Variants in ARHGAP6 observed in about 807,000 individuals in gnomAD.
ARHGAP6 encodes the protein rho GTPase-activating protein 6.
Under a neutral mutation model 55.7 loss-of-function variants are expected in ARHGAP6, and 16 were observed. The observed-to-expected ratio is 0.29, with a 90% CI of 0.19 to 0.44. The LOEUF (loss-of-function observed/expected upper bound fraction) is 0.44, where lower values mean the gene tolerates loss of function less well. Among genes scored for constraint, ARHGAP6 ranks in the 20% least tolerant of loss-of-function variants. ARHGAP6 has a pLI of 1.00. For synonymous variants in ARHGAP6, 382 were observed against 360.9 expected (o/e 1.06, Z -0.66); for missense variants, 698 against 808.9 (o/e 0.86, Z 1.66).
intron 1 of ARHGAP6, among the ~76,000 whole-genome samples, chrX:11,570,007 C>T (rs57956171): frequency 0.082 from 9,123 of 111,833 alleles, 385 homozygotes; most frequent in East Asian, 0.19. Context: ...ACAGCAATCT[C>T]AAGTCTGGAG....
At chrX:11,502,046 G>T (rs926433503) in intron 1 of ARHGAP6, among the ~76,000 whole-genome samples, 3 of 112,177 alleles carry the variant, frequency 2.7e-5, no homozygotes, top group Middle Eastern at 9.2e-3. Flanking sequence ...ATACACAAGT[G>T]TGTTTATTTA....
intron 1 of ARHGAP6, among the ~76,000 whole-genome samples, chrX:11,632,475 A>G (rs2052371344): frequency 8.9e-6 from 1 of 112,433 alleles, no homozygotes; most frequent in African/African-American, 3.2e-5. Context: ...ACATAGCTTA[A>G]CTATTAACAT....
intron 1 of ARHGAP6, among the ~76,000 whole-genome samples, chrX:11,267,334 G>C (rs2047640149): frequency 8.9e-6 from 1 of 111,760 alleles, no homozygotes; most frequent in African/African-American, 3.2e-5. Flanking sequence ...GCATTTTATG[G>C]GCACTGACTT....
chrX:11,274,868 ATC>A (rs1459295233), intron 1 of ARHGAP6, among the ~76,000 whole-genome samples: 2 of 111,577 alleles, frequency 1.8e-5, no homozygotes, highest in African/African-American at 6.5e-5. Context: ...TGTTTGTGAC[ATC>A]TCTGTATGTA....
chrX:11,160,304 A>G (rs2045925127), intron 9 of ARHGAP6, among the ~76,000 whole-genome samples: 2 of 108,552 alleles, frequency 1.8e-5, no homozygotes, highest in Admixed American at 2.0e-4. Flanking sequence ...AAAAAAAAAA[A>G]AAATTAGTCG....
chrX:11,208,898 G>A (rs1436730700), intron 2 of ARHGAP6, among the ~76,000 whole-genome samples: 2 of 111,959 alleles, frequency 1.8e-5, no homozygotes, highest in Non-Finnish European at 3.8e-5. Flanking sequence ...CCCAGCTGCT[G>A]AAAAACTGTA....
intron 2 of ARHGAP6, among the ~76,000 whole-genome samples, chrX:11,227,301 T>C (rs1046752891): frequency 1.8e-5 from 2 of 112,082 alleles, no homozygotes; most frequent in Non-Finnish European, 3.8e-5. Flanking sequence ...TAATGCTACA[T>C]GTTACCCCTT....
intron 2 of ARHGAP6, among the ~76,000 whole-genome samples, chrX:11,209,953 C>T (rs1335913200): frequency 2.7e-5 from 3 of 112,184 alleles, no homozygotes; most frequent in African/African-American, 9.7e-5. Context: ...TCTCTCAGTA[C>T]CTCTTAGTCA....
chrX:11,515,821 C>A (rs1047080805), intron 1 of ARHGAP6, among the ~76,000 whole-genome samples: 1 of 112,295 alleles, frequency 8.9e-6, no homozygotes, highest in Non-Finnish European at 1.9e-5. Flanking sequence ...TATCTCAAAA[C>A]CTCACATGAT....
At chrX:11,426,881 C>T (rs1047360481) in intron 1 of ARHGAP6, among the ~76,000 whole-genome samples, 1 of 110,254 alleles carries the variant, frequency 9.1e-6, no homozygotes, top group Non-Finnish European at 1.9e-5. Context: ...CAGCACCTAG[C>T]GCAGTCCCTG....
intron 1 of ARHGAP6, among the ~76,000 whole-genome samples, chrX:11,624,664 G>A (rs1315988625): frequency 8.9e-6 from 1 of 112,226 alleles, no homozygotes. Flanking sequence ...CCATTCTCCT[G>A]CCTCAGCCTC....
chrX:11,463,761 T>A (rs1046848335), intron 1 of ARHGAP6, among the ~76,000 whole-genome samples: 6 of 112,624 alleles, frequency 5.3e-5, no homozygotes, highest in African/African-American at 1.9e-4. Context: ...TCAGTCGGTG[T>A]CTGTCTTTGC....
At chrX:11,350,559 C>T (rs901594819) in intron 1 of ARHGAP6, among the ~76,000 whole-genome samples, 2 of 111,924 alleles carry the variant, frequency 1.8e-5, no homozygotes. Context: ...AAGAGACTGC[C>T]TAAGAACCCA....
At chrX:11,385,579 T>C (rs1247898807) in intron 1 of ARHGAP6, among the ~76,000 whole-genome samples, 1 of 112,159 alleles carries the variant, frequency 8.9e-6, no homozygotes, top group African/African-American at 3.2e-5. Context: ...TTGAATTGTT[T>C]TGGAGAATCT....
At chrX:11,606,483 T>C (rs1352218984) in intron 1 of ARHGAP6, among the ~76,000 whole-genome samples, 1 of 111,851 alleles carries the variant, frequency 8.9e-6, no homozygotes, top group African/African-American at 3.3e-5. Context: ...TCCATGCAGA[T>C]CCAAGGGTCT....
At position 11,260,992 on chromosome X, in the gene ARHGAP6, C is replaced by T. The variant is rs146845940; in HGVS notation, c.589-6285G>A. ...TCTGGCTTATTCATTTTGATGTTCTCGGTATCTAAGGCAGTACCTGGCACT... is the reference window on the plus strand; with the variant it reads ...TCTGGCTTATTCATTTTGATGTTCTTGGTATCTAAGGCAGTACCTGGCACT... On this transcript the variant is annotated intron_variant, in intron 1 of 12. Transcript: ENST00000337414. Among the ~76,000 whole-genome samples the T allele has an allele frequency of 4.4e-3, 490 of 111,270 alleles. 4 individuals carry two copies. In the Middle Eastern group the frequency reaches 0.055, roughly 12 times the overall value.
chrX:11,492,221 C>G (rs986187421), intron 1 of ARHGAP6, among the ~76,000 whole-genome samples: 4 of 109,335 alleles, frequency 3.7e-5, no homozygotes, highest in Middle Eastern at 4.7e-3. Context: ...TTAATTAGAT[C>G]CCATTTGTCA....
rs895712833 is a variant in ARHGAP6, at chrX:11,265,441, T to C, written c.589-10734A>G. Reference sequence around the variant, plus strand: ...AGAAATTAGCTCAATTATGCTGTTCTGTTAATCATGACACAATCCTTTCCT... The same window carrying C: ...AGAAATTAGCTCAATTATGCTGTTCCGTTAATCATGACACAATCCTTTCCT... On this transcript the variant is annotated intron_variant, in intron 1 of 12. Transcript: ENST00000337414. Among the ~76,000 whole-genome samples, 3 of 112,109 alleles carry C rather than the reference T, an allele frequency of 2.7e-5. No individual in the cohort carries two copies. In the East Asian group the frequency reaches 8.4e-4, roughly 31 times the overall value.
At chrX:11,215,971 A>C (rs908443127) in intron 2 of ARHGAP6, among the ~76,000 whole-genome samples, 6 of 111,487 alleles carry the variant, frequency 5.4e-5, no homozygotes, top group African/African-American at 2.0e-4. Context: ...CTCTTAGAGC[A>C]GCTCTTCTCG....
Sources: allele counts gnomAD v4.1 joint callset (sites outside exome capture counted in the v4.1 genomes callset), GRCh38; gene constraint gnomAD v4.1.1; transcripts MANE v1.5; gene names NCBI Gene and HGNC (gene_info 2026-07-23, HGNC 2026-07-21).